CNTN5: variants seen among roughly 807,000 people sequenced by gnomAD.
CNTN5 encodes contactin 5, also known as contactin-5.
CNTN5 carries 77 observed loss-of-function variants against 129.1 expected under a neutral mutation model. The ratio of observed to expected loss-of-function variants is 0.60; its 90% confidence interval spans 0.50 to 0.72. The LOEUF (loss-of-function observed/expected upper bound fraction) is 0.72. CNTN5 is among the 30% of genes least tolerant of loss of function. The pLI is 0.00. For missense variants in CNTN5, 1,478 were observed against 1,328.8 expected (o/e 1.11, Z -1.75); for synonymous variants, 509 against 465.6 (o/e 1.09, Z -1.20).
chr11:99,372,130 C>T (rs555732929), intron 2 of CNTN5, among the ~76,000 whole-genome samples: 6 of 152,324 alleles, frequency 3.9e-5, no homozygotes, highest in African/African-American at 1.4e-4. Context: ...AATCTTACAG[C>T]ATAGCAGTTC....
At chr11:99,316,739 A>G (rs916659227) in intron 1 of CNTN5, among the ~76,000 whole-genome samples, 4 of 152,020 alleles carry the variant, frequency 2.6e-5, no homozygotes, top group Admixed American at 2.0e-4. Context: ...GTCAAAAAAA[A>G]AAAAAGAAAA....
intron 21 of CNTN5, chr11:100,337,700 A>T (rs1465463440): frequency 1.9e-6 from 1 of 534,776 alleles, no homozygotes; most frequent in Non-Finnish European, 3.6e-6. Context: ...AGCTGTGCAT[A>T]TGTTTAGCCA....
chr11:100,069,731 T>G (rs1397145522), intron 10 of CNTN5, among the ~76,000 whole-genome samples: 2 of 152,166 alleles, frequency 1.3e-5, no homozygotes, highest in African/African-American at 4.8e-5. Context: ...TTATACGTAT[T>G]TCTTTGACTG....
At chr11:99,774,291 A>G (rs1345062787) in intron 3 of CNTN5, among the ~76,000 whole-genome samples, 2 of 151,786 alleles carry the variant, frequency 1.3e-5, no homozygotes, top group Admixed American at 6.6e-5. Context: ...AAAACCAAGT[A>G]ATTTAGTGAT....
intron 3 of CNTN5, among the ~76,000 whole-genome samples, chr11:99,804,482 A>G (rs1389861278): frequency 6.6e-6 from 1 of 151,774 alleles, no homozygotes; most frequent in Non-Finnish European, 1.5e-5. Flanking sequence ...CCTCAATTCT[A>G]TTAGTTCACC....
chr11:100,032,510 T>G (rs886285618), intron 9 of CNTN5, among the ~76,000 whole-genome samples: 1 of 151,262 alleles, frequency 6.6e-6, no homozygotes, highest in Admixed American at 6.6e-5. Context: ...AAAATAATGA[T>G]ATATATATAT....
At chr11:99,396,169 C>T (rs540038721) in intron 2 of CNTN5, among the ~76,000 whole-genome samples, 1 of 94,296 alleles carries the variant, frequency 1.1e-5, no homozygotes, top group East Asian at 3.2e-4. Flanking sequence ...TCTTTCTATC[C>T]ATGATCATGG....
chr11:99,393,805 A>G (rs888689240), intron 2 of CNTN5, among the ~76,000 whole-genome samples: 49 of 151,910 alleles, frequency 3.2e-4, no homozygotes, highest in African/African-American at 1.1e-3. Flanking sequence ...TAGAAACAAA[A>G]CAATGTGGGA....
intron 1 of CNTN5, among the ~76,000 whole-genome samples, chr11:99,308,446 A>G (rs1864964189): frequency 6.6e-6 from 1 of 152,172 alleles, no homozygotes; most frequent in Non-Finnish European, 1.5e-5. Flanking sequence ...AGAAATTGAG[A>G]GCCTGAAATT....
intron 7 of CNTN5, among the ~76,000 whole-genome samples, chr11:99,923,882 G>A (rs1949998835): frequency 6.6e-6 from 1 of 152,022 alleles, no homozygotes. Context: ...CCACCTCCTG[G>A]CTTCAAGCGA....
intron 3 of CNTN5, among the ~76,000 whole-genome samples, chr11:99,621,419 T>C (rs73540830): frequency 0.025 from 3,747 of 152,274 alleles, 162 homozygotes; most frequent in African/African-American, 0.085. Context: ...AAAAGGATAT[T>C]TTTTCATATT....
chr11:99,624,815 C>A (rs1443716221), intron 3 of CNTN5, among the ~76,000 whole-genome samples: 2 of 152,118 alleles, frequency 1.3e-5, no homozygotes, highest in Non-Finnish European at 1.5e-5. Context: ...AAATATAGCT[C>A]ATTGCTTCTG....
At chr11:99,911,120 T>C (rs2135991663) in intron 6 of CNTN5, among the ~76,000 whole-genome samples, 1 of 152,196 alleles carries the variant, frequency 6.6e-6, no homozygotes, top group East Asian at 1.9e-4. Flanking sequence ...TTTATAAAAT[T>C]TGTCTCTGAC....
chr11:99,399,768 A>G (rs571161475), intron 2 of CNTN5, among the ~76,000 whole-genome samples: 2 of 151,596 alleles, frequency 1.3e-5, no homozygotes. Flanking sequence ...ATTATAAAAA[A>G]CTTTGATTCT....
chr11:99,410,748 G>C (rs983815823), intron 2 of CNTN5, among the ~76,000 whole-genome samples: 1 of 152,178 alleles, frequency 6.6e-6, no homozygotes, highest in Admixed American at 6.5e-5. Context: ...TGCATAATTG[G>C]TTTTGTGCGT....
At chr11:99,774,915 G>C (rs902640272) in intron 3 of CNTN5, among the ~76,000 whole-genome samples, 6 of 151,954 alleles carry the variant, frequency 3.9e-5, no homozygotes, top group Non-Finnish European at 7.4e-5. Flanking sequence ...CTATTTCTTA[G>C]TGATTTGGCT....
chr11:99,238,238 A>G (rs1861376669), intron 1 of CNTN5, among the ~76,000 whole-genome samples: 1 of 152,204 alleles, frequency 6.6e-6, no homozygotes, highest in Non-Finnish European at 1.5e-5. Flanking sequence ...AATTGCATCT[A>G]GAAGCAAAAG....
intron 9 of CNTN5, among the ~76,000 whole-genome samples, chr11:100,057,297 CAG>C (rs958557362): frequency 3.4e-5 from 5 of 148,574 alleles, no homozygotes; most frequent in Non-Finnish European, 4.5e-5. Context: ...AATTTAAAAA[CAG>C]AAACTCATGA....
chr11:99,179,094 A>C (rs913695927), intron 1 of CNTN5, among the ~76,000 whole-genome samples: 12 of 152,238 alleles, frequency 7.9e-5, no homozygotes, highest in African/African-American at 2.9e-4. Flanking sequence ...TCATATAATA[A>C]ACAGTAATTG....
Sources: gnomAD v4.1 joint callset for allele counts (sites outside exome capture counted in the v4.1 genomes callset) on GRCh38, gnomAD v4.1.1 for gene constraint, MANE v1.5 for transcripts, NCBI Gene and HGNC (gene_info 2026-07-23, HGNC 2026-07-21) for gene names.